Variants in MST1R observed in about 807,000 individuals in gnomAD.
MST1R encodes the protein macrophage-stimulating protein receptor.
A neutral mutation model predicts 117.8 loss-of-function variants in MST1R; 99 were observed. The ratio of observed to expected loss-of-function variants is 0.84; its 90% CI spans 0.71 to 0.99. The LOEUF is 0.99. MST1R is among the 50% of genes least tolerant of loss of function. MST1R has a pLI of 0.00. For missense variants in MST1R, 1,683 were observed against 1,840.2 expected, an observed-to-expected ratio of 0.91 and a Z score of 1.56; for synonymous variants, 734 against 765.3, an observed-to-expected ratio of 0.96 and a Z score of 0.68.
chr3:49,894,360 C>A (rs186302170), intron 14 of MST1R, among the ~76,000 whole-genome samples: 2 of 152,004 alleles, frequency 1.3e-5, no homozygotes, highest in African/African-American at 4.8e-5. Context: ...TCCAGGAGTT[C>A]GAGGCCAGCC....
intron 4 of MST1R, 87 bp from the exon 5 acceptor site, chr3:49,898,298 C>T (rs1222768247): frequency 3.9e-6 from 6 of 1,553,946 alleles, no homozygotes; most frequent in Non-Finnish European, 5.3e-6. Flanking sequence ...TGCCATACCC[C>T]TTGCCTTCCC....
rs1294761862 is a variant in MST1R at position 49,891,313 on chromosome 3, G to A, written c.3535-7C>T. The A allele has an allele frequency of 1.9e-6, 3 of 1,613,900 alleles. No homozygotes were observed. The highest frequency in any genetic ancestry group is 1.1e-5 in the South Asian group (1 of 91,088). ...GGTCCTTCACGGTGGGGTTCTGGGG[G>A]CACAGGTGGGTTGGTGGGCAAGGGC... On this transcript the variant is annotated splice_region_variant and splice_polypyrimidine_tract_variant and intron_variant, in intron 16 of 19. Transcript: ENST00000296474.
intron 19 of MST1R, among the ~76,000 whole-genome samples, chr3:49,889,468 AC>A (rs2082251170): frequency 6.6e-6 from 1 of 151,932 alleles, no homozygotes; most frequent in Admixed American, 6.6e-5. Context: ...CACCGAACCC[AC>A]CCCGTAGGCA....
At chr3:49,893,479 CTG>C (rs2082372289) in intron 14 of MST1R, among the ~76,000 whole-genome samples, 1 of 151,586 alleles carries the variant, frequency 6.6e-6, no homozygotes, top group African/African-American at 2.4e-5. Flanking sequence ...TGGCGGGCGC[CTG>C]TAATCCCAGC....
intron 5 of MST1R, 145 bp downstream of exon 5, chr3:49,897,906 C>CT: frequency 8.0e-7 from 1 of 1,249,454 alleles, no homozygotes; most frequent in South Asian, 1.4e-5. Context: ...GGACAGAGAC[C>CT]TTTTTGACTC....
Position 49,887,092 on chromosome 3 carries a change from G to A in MST1R, c.*215C>T, listed in dbSNP as rs565153672. Reference sequence around the variant, plus strand: ...GAGTCCACTGTGCCCAGAAGACAGGGTCCACAGCAGGCACTCCATAAATAC... The same window carrying A: ...GAGTCCACTGTGCCCAGAAGACAGGATCCACAGCAGGCACTCCATAAATAC... On this transcript the variant is annotated 3_prime_UTR_variant, in exon 20 of 20. Transcript: ENST00000296474. The A allele has an allele frequency of 2.8e-5, 18 of 632,724 alleles. No homozygotes were observed. The African/African-American group carries it at 3.1e-4, about 11-fold the overall frequency. 39.2% of individuals were successfully genotyped at this position (632,724 alleles called of 1,614,324 possible).
rs2082756289 is a variant in MST1R at position 49,903,324 on chromosome 3, C to G, written c.286G>C (p.Ala96Pro). 2.5e-6 allele frequency: 4 copies of G among 1,613,220 alleles called. No individual in the cohort carries two copies. The African/African-American group carries it at 5.3e-5, about 21-fold the overall frequency. Reference protein sequence around the residue: ...KSVQSLATGPAGDPGCQTCAA... With the variant: ...KSVQSLATGPPGDPGCQTCAA... The stretch of plus-strand genomic sequence containing the variant: ...CACGTCTGGCAGCCAGGGTCTCCAG[C>G]AGGGCCCGTGGCCAGGCTCTGGACA... Residue 96 changes from alanine (A) to proline (P), a missense_variant, in exon 1 of 20, where the codon GCT (alanine) becomes CCT (proline). Coordinates refer to ENST00000296474, the MANE Select transcript of MST1R (RefSeq NM_002447.4).
chr3:49,893,621 C>T (rs1197354299), intron 14 of MST1R, among the ~76,000 whole-genome samples: 4 of 144,670 alleles, frequency 2.8e-5, no homozygotes, highest in Non-Finnish European at 6.0e-5. Flanking sequence ...TAAAATAGGC[C>T]GGGCGCGGTG....
In MST1R at chr3:49,890,202, C is replaced by T. The variant is rs141501312; in HGVS notation, c.3811-142G>A. Reference sequence around the variant, plus strand: ...ACTGAGAGCTCATTCCTCAATACATCACCTGTGTCTTTCCTCTGTCTCCTC... The same window carrying T: ...ACTGAGAGCTCATTCCTCAATACATTACCTGTGTCTTTCCTCTGTCTCCTC... On this transcript the variant is annotated intron_variant, in intron 18 of 19. Transcript: ENST00000296474. The T allele has an allele frequency of 1.8e-4, 196 of 1,096,026 alleles. 1 individual carries two copies. In the African/African-American group the frequency reaches 2.7e-3, roughly 15 times the overall value. 67.9% of individuals were successfully genotyped at this position (1,096,026 alleles called of 1,614,324 possible).
At chr3:49,898,001 C>A (rs1273436864) in intron 5 of MST1R, 50 bp downstream of exon 5, 1 of 1,610,596 alleles carries the variant, frequency 6.2e-7, no homozygotes. Flanking sequence ...GGGGAAGGGG[C>A]TGCTTGGTTT....
At chr3:49,892,234 G>C (rs1385282829) in intron 14 of MST1R, among the ~76,000 whole-genome samples, 1 of 151,526 alleles carries the variant, frequency 6.6e-6, no homozygotes, top group Non-Finnish European at 1.5e-5. Flanking sequence ...AAAGTGCTGG[G>C]ATTACAGGTG....
rs2108517422 is a variant in MST1R at position 49,903,654 on chromosome 3, G to A, written c.-45C>T. 1 of 1,520,846 alleles carries A rather than the reference G, an allele frequency of 6.6e-7. No homozygotes were observed. Among genetic ancestry groups the A allele is most frequent in the Non-Finnish European group, 8.7e-7 (1 of 1,142,884 alleles). 94.2% of individuals were successfully genotyped at this position (1,520,846 alleles called of 1,614,324 possible). A position where few individuals can be genotyped will look rare whatever the true frequency, so the allele number is the denominator to read the frequency against. On this transcript the variant is annotated 5_prime_UTR_variant, in exon 1 of 20. Coordinates refer to ENST00000296474, the MANE Select transcript of MST1R (RefSeq NM_002447.4). The stretch of plus-strand genomic sequence containing the variant: ...AGAGGATCCCTACCGGCCTGGGCCT[G>A]GACCTGGGCGTGGGCCTGGCTGGGG...
intron 1 of MST1R, chr3:49,899,522 A>G: frequency 3.4e-6 from 1 of 296,532 alleles, no homozygotes; most frequent in South Asian, 2.8e-5. Context: ...CCTGATGGTG[A>G]GTTACCCCCA....
chr3:49,891,222 T>C lies in MST1R; in HGVS notation c.3619A>G (p.Arg1207Gly), dbSNP rs2082305266. 1.2e-6 allele frequency: 2 copies of C among 1,614,072 alleles called. No homozygotes were observed. Among genetic ancestry groups the C allele is most frequent in the Non-Finnish European group, 1.7e-6 (2 of 1,180,036 alleles). Residue 1207 changes from arginine to glycine, a missense_variant, in exon 17 of 20, where the codon AGG (arginine) becomes GGG (glycine). Arg to Gly is a moderately radical substitution (Grantham distance 125, BLOSUM62 -2). Transcript: ENST00000296474. The part of the protein sequence containing the change: ...EYLAEQKFVH[R>G]DLAARNCMLD... ...ATGCAGTTCCGCGCAGCCAGGTCCCTGTGCACAAACTTCTGCTCTGCCAGG... is the reference window on the plus strand; with the variant it reads ...ATGCAGTTCCGCGCAGCCAGGTCCCCGTGCACAAACTTCTGCTCTGCCAGG...
Position 49,902,366 on chromosome 3 carries a change from T to G in MST1R, c.1230+14A>C. On this transcript the variant is annotated intron_variant, in intron 1 of 19. Transcript: ENST00000296474. ...CATGCAGCTCACAAGTAAGGGCCCCTTCTTTCAGCTTACCGGGTTGGGGCA... is the reference window on the plus strand; with the variant it reads ...CATGCAGCTCACAAGTAAGGGCCCCGTCTTTCAGCTTACCGGGTTGGGGCA... 1 of 1,609,292 alleles carries G rather than the reference T, an allele frequency of 6.2e-7. No homozygotes were observed. The highest frequency in any genetic ancestry group is 8.5e-7 in the Non-Finnish European group (1 of 1,177,538).
Position 49,896,825 on chromosome 3 carries a change from C to A in MST1R, c.2249G>T (p.Ser750Ile), listed in dbSNP as rs1481859748. 6.4e-7 allele frequency: 1 copy of A among 1,557,238 alleles called. No homozygotes were observed. Among genetic ancestry groups the A allele is most frequent in the Non-Finnish European group, 8.7e-7 (1 of 1,149,672 alleles). ...TACCTGGGCACCCCCCACCTGCAGG[C>A]TAAGGGGGACACTGGCCACCGTGGC... ...PGATVASVPL[S>I]LQVGGAQVPG... Residue 750 changes from serine (S) to isoleucine (I), a missense_variant, in exon 8 of 20, where the codon AGC (serine) becomes ATC (isoleucine). Ser to Ile is a moderately radical substitution (Grantham distance 142). Coordinates refer to ENST00000296474, the MANE Select transcript of MST1R (RefSeq NM_002447.4).
In MST1R at chr3:49,897,650, T is replaced by A. The variant is rs376241433; in HGVS notation, c.1916A>T (p.Glu639Val). The A allele has an allele frequency of 4.3e-6, 7 of 1,613,956 alleles. No homozygotes were observed. The highest frequency in any genetic ancestry group is 5.9e-6 in the Non-Finnish European group (7 of 1,179,924). Residue 639 changes from glutamate to valine, a missense_variant, in exon 6 of 20, where the codon GAG becomes GTG. Coordinates refer to ENST00000296474, the MANE Select transcript of MST1R (RefSeq NM_002447.4). ...GGTGCCCAAGGGCTCCAGTTCACAC[T>A]CAAACTCCTCTACAAAGTCTTTCCG... ...VPRKDFVEEF[E>V]CELEPLGTQA...
rs142478095 is a variant in MST1R, at chr3:49,903,495, C to T, written c.115G>A (p.Asp39Asn). The T allele has an allele frequency of 7.1e-5, 115 of 1,611,002 alleles. No homozygotes were observed. The highest frequency in any genetic ancestry group is 9.4e-5 in the Non-Finnish European group (111 of 1,179,976). The change falls in exon 1 of 20, where the codon GAC becomes AAC. Residue 39 changes from aspartate (D) to asparagine (N), a missense_variant. Coordinates refer to ENST00000296474, the MANE Select transcript of MST1R (RefSeq NM_002447.4). ...CPRTPYAASR[D>N]FDVKYVVPSF... ...GGCACCACGTACTTCACGTCAAAGT[C>T]GCGAGAGGCCGCGTAGGGGGTGCGC... is the stretch of plus-strand genomic sequence containing the variant.
intron 4 of MST1R, 45 bp from the exon 5 acceptor site, chr3:49,898,256 C>G (rs775290163): frequency 6.2e-7 from 1 of 1,604,676 alleles, no homozygotes; most frequent in South Asian, 1.1e-5. Context: ...GGGTTGGGCT[C>G]TCTCAGCCCC....
Sources: allele counts gnomAD v4.1 joint callset (sites outside exome capture counted in the v4.1 genomes callset), GRCh38; gene constraint gnomAD v4.1.1; transcripts MANE v1.5; gene names NCBI Gene and HGNC (gene_info 2026-07-23, HGNC 2026-07-21).